Variants in ADAM17 observed in about 807,000 individuals in gnomAD.
ADAM17 encodes ADAM metallopeptidase domain 17.
In ADAM17, 39 loss-of-function variants were observed where a neutral mutation model predicts 96.7. The ratio of observed to expected loss-of-function variants is 0.40; its 90% CI spans 0.31 to 0.53. The LOEUF is 0.53. Ranked by LOEUF, ADAM17 falls within the 20% of genes least tolerant of loss-of-function variation. ADAM17 has a pLI of 0.44. For synonymous variants in ADAM17, 344 were observed against 359.2 expected, an observed-to-expected ratio of 0.96 and a Z score of 0.48; for missense variants, 777 against 1,013.2, an observed-to-expected ratio of 0.77 and a Z score of 3.17.
chr2:9,498,006 A>G (rs1662734665), intron 13 of ADAM17, among the ~76,000 whole-genome samples: 1 of 152,136 alleles, frequency 6.6e-6, no homozygotes, highest in Non-Finnish European at 1.5e-5. Context: ...TATACTACAA[A>G]TATTTCTTAA....
At chr2:9,524,468 C>A (rs1016083352) in intron 6 of ADAM17, among the ~76,000 whole-genome samples, 5 of 151,834 alleles carry the variant, frequency 3.3e-5, no homozygotes, top group African/African-American at 1.2e-4. Flanking sequence ...CCGGCCTGGG[C>A]GACAGAGCCT....
intron 1 of ADAM17, among the ~76,000 whole-genome samples, chr2:9,546,742 A>G (rs1233771368): frequency 1.8e-5 from 2 of 109,588 alleles, no homozygotes; most frequent in African/African-American, 7.7e-5. Flanking sequence ...ATGGAGTCTC[A>G]CTCTGTCGCC....
intron 1 of ADAM17, among the ~76,000 whole-genome samples, chr2:9,553,696 A>AAAAAG (rs1239391003): frequency 6.6e-6 from 1 of 151,200 alleles, no homozygotes; most frequent in East Asian, 1.9e-4. Context: ...AAAAAGAAAG[A>AAAAAG]AAAAGAAAAG....
Position 9,555,768 on chromosome 2 carries a change from G to C in ADAM17, c.-163C>G. 4 of 539,472 alleles carry C rather than the reference G, an allele frequency of 7.4e-6. No individual in the cohort carries two copies. Among genetic ancestry groups the C allele is most frequent in the South Asian group, 7.5e-5 (2 of 26,834 alleles). The allele number at this position is 539,472 out of a possible 1,614,324, so 33.4% of individuals were successfully genotyped here. A position where few individuals can be genotyped will look rare whatever the true frequency, so the allele number is the denominator to read the frequency against. Reference sequence around the variant, plus strand: ...CTGGGAAGATTCTACCGCCAGGCTCGACGCCCCCAGAAGTGCAGGTGGCGT... The same window carrying C: ...CTGGGAAGATTCTACCGCCAGGCTCCACGCCCCCAGAAGTGCAGGTGGCGT... On this transcript the variant is annotated 5_prime_UTR_variant, in exon 1 of 19. Transcript: ENST00000310823.
chr2:9,502,789 GA>G (rs1207234899), intron 12 of ADAM17, among the ~76,000 whole-genome samples: 1 of 144,860 alleles, frequency 6.9e-6, no homozygotes, highest in African/African-American at 2.6e-5. Context: ...TGAGGCAGGA[GA>G]ATCGCCTGGA....
chr2:9,505,596 ATTC>A lies in ADAM17; in HGVS notation c.1345-234_1345-232del. 9 of 536,454 alleles carry A rather than the reference ATTC, an allele frequency of 1.7e-5. 1 individual carries two copies. The South Asian group carries it at 1.7e-4, about 10-fold the overall frequency. The allele number at this position is 536,454 out of a possible 1,614,324, so 33.2% of individuals were successfully genotyped here. ...ATGTGAACTTGGTTAAGGATCTATAATTCTTCTTACGAAGGTAAGCAAGCTATA... is the reference window on the plus strand; with the variant it reads ...ATGTGAACTTGGTTAAGGATCTATAATTCTTACGAAGGTAAGCAAGCTATA... On this transcript the variant is annotated intron_variant, in intron 11 of 18. Coordinates refer to ENST00000310823, the MANE Select transcript of ADAM17 (RefSeq NM_003183.6).
At chr2:9,527,508 A>C in intron 5 of ADAM17, 1 of 221,614 alleles carries the variant, frequency 4.5e-6, no homozygotes, top group Non-Finnish European at 8.7e-6. Flanking sequence ...TCATTTCTAA[A>C]TATCTGCAGG....
chr2:9,518,984 C>T (rs1375607617), intron 8 of ADAM17, among the ~76,000 whole-genome samples: 1 of 152,100 alleles, frequency 6.6e-6, no homozygotes, highest in African/African-American at 2.4e-5. Flanking sequence ...CAGCTCACTG[C>T]AGCCTCGACC....
In ADAM17 at chr2:9,492,888, G is replaced by A. The variant is rs1032188904; in HGVS notation, c.2082+10C>T. ...TAAAACATTTAATTACTTAAAAGTT[G>A]ATGACTTACCACACAATGGACAAGA... On this transcript the variant is annotated intron_variant, in intron 17 of 18. Coordinates refer to ENST00000310823, the MANE Select transcript of ADAM17 (RefSeq NM_003183.6). 3 of 1,601,186 alleles carry A rather than the reference G, an allele frequency of 1.9e-6. No homozygotes were observed. Among genetic ancestry groups the A allele is most frequent in the Non-Finnish European group, 2.6e-6 (3 of 1,171,888 alleles).
In ADAM17 at chr2:9,533,533, G is replaced by A. The variant is rs1465819293; in HGVS notation, c.450+2301C>T. On this transcript the variant is annotated intron_variant, in intron 4 of 18. Transcript: ENST00000310823. ...CTGCACTCCAGCCTGGTAACAGAGT[G>A]AGACTCAGTCTCAAAAAAACAAAAA... 3.9e-5 allele frequency among the ~76,000 whole-genome samples: 6 copies of A among 152,270 alleles called. No individual in the cohort carries two copies. The South Asian group carries it at 1.2e-3, about 32-fold the overall frequency.
At chr2:9,528,177 T>A (rs773051082) in intron 4 of ADAM17, among the ~76,000 whole-genome samples, 2 of 152,266 alleles carry the variant, frequency 1.3e-5, no homozygotes, top group African/African-American at 4.8e-5. Flanking sequence ...TTTATCTGTA[T>A]ATAAATAAAG....
chr2:9,503,288 A>G (rs1285833629), intron 12 of ADAM17, among the ~76,000 whole-genome samples: 1 of 152,120 alleles, frequency 6.6e-6, no homozygotes, highest in Non-Finnish European at 1.5e-5. Flanking sequence ...TCAATTATTC[A>G]CCAGAAAACT....
At chr2:9,511,229 G>A (rs182023116) in intron 10 of ADAM17, among the ~76,000 whole-genome samples, 40 of 151,898 alleles carry the variant, frequency 2.6e-4, no homozygotes, top group Admixed American at 2.2e-3. Context: ...TGGGTTGATC[G>A]CCTGAGGTCA....
At chr2:9,493,633 A>G in intron 16 of ADAM17, 114 bp downstream of exon 16, 1 of 837,898 alleles carries the variant, frequency 1.2e-6, no homozygotes, top group Non-Finnish European at 1.9e-6. Flanking sequence ...AAAGCTGTGA[A>G]TAGTTCCACC....
chr2:9,555,719 C>G lies in ADAM17; in HGVS notation c.-114G>C. ...ATCCGCCCGGCCTAGCCCCTCAATCCTCTTTTCCCTCCCGCGCCGCCTACT... is the reference window on the plus strand; with the variant it reads ...ATCCGCCCGGCCTAGCCCCTCAATCGTCTTTTCCCTCCCGCGCCGCCTACT... On this transcript the variant is annotated 5_prime_UTR_variant, in exon 1 of 19. Coordinates refer to ENST00000310823, the MANE Select transcript of ADAM17 (RefSeq NM_003183.6). 1 of 846,768 alleles carries G rather than the reference C, an allele frequency of 1.2e-6. No homozygotes were observed. Among genetic ancestry groups the G allele is most frequent in the Non-Finnish European group, 1.7e-6 (1 of 583,442 alleles). 52.5% of individuals were successfully genotyped at this position (846,768 alleles called of 1,614,324 possible). A position where few individuals can be genotyped will look rare whatever the true frequency, so the allele number is the denominator to read the frequency against.
At chr2:9,493,639 C>A in intron 16 of ADAM17, 108 bp downstream of exon 16, 1 of 902,946 alleles carries the variant, frequency 1.1e-6, no homozygotes, top group South Asian at 1.6e-5. Context: ...GTGAATAGTT[C>A]CACCTTCTAC....
At chr2:9,529,734 G>A (rs774976577) in intron 4 of ADAM17, among the ~76,000 whole-genome samples, 6 of 152,132 alleles carry the variant, frequency 3.9e-5, no homozygotes, top group Admixed American at 6.5e-5. Flanking sequence ...ACTTTGGGGA[G>A]GCCATGGTGG....
intron 4 of ADAM17, among the ~76,000 whole-genome samples, chr2:9,529,969 T>TACACACACACAC (rs35137204): frequency 2.2e-4 from 33 of 149,570 alleles, no homozygotes; most frequent in African/African-American, 7.8e-4. Context: ...ATCTCAAAAA[T>TACACACACACAC]ACACACACAC....
intron 1 of ADAM17, among the ~76,000 whole-genome samples, chr2:9,554,872 T>C (rs1665693254): frequency 6.6e-6 from 1 of 152,160 alleles, no homozygotes; most frequent in Non-Finnish European, 1.5e-5. Flanking sequence ...GCATTCATAG[T>C]GGCAGCATCA....
Sources: gnomAD v4.1 joint callset for allele counts (sites outside exome capture counted in the v4.1 genomes callset) on GRCh38, gnomAD v4.1.1 for gene constraint, MANE v1.5 for transcripts, NCBI Gene and HGNC (gene_info 2026-07-23, HGNC 2026-07-21) for gene names.